Variants in TAL1 observed in about 807,000 individuals in gnomAD.
TAL1 encodes TAL bHLH transcription factor 1, erythroid differentiation factor, also known as T-cell acute lymphocytic leukemia protein 1.
Under a neutral mutation model 17.9 loss-of-function variants are expected in TAL1, and 8 were observed. That is an observed-to-expected ratio of 0.45 (90% CI 0.26 to 0.81). The LOEUF (loss-of-function observed/expected upper bound fraction) is 0.81, where lower values mean the gene tolerates loss of function less well. Ranked by LOEUF, TAL1 falls within the 30% of genes least tolerant of loss-of-function variation. The probability of loss-of-function intolerance (pLI) is 0.17; values close to 1 mark genes in which losing one functional copy is unlikely to be tolerated. For synonymous variants in TAL1, 223 were observed against 218.6 expected, an observed-to-expected ratio of 1.02 and a Z score of -0.18; for missense variants, 466 against 486.9, an observed-to-expected ratio of 0.96 and a Z score of 0.40.
At chr1:47,217,469 A>G (rs1256762217) in exon 4 of TAL1, 2 of 398,366 alleles carry the variant, frequency 5.0e-6, no homozygotes, top group African/African-American at 4.1e-5. Flanking sequence ...AGCGGTTTAC[A>G]ATCTAAATTA....
At chr1:47,218,005 G>C in exon 4 of TAL1, 1 of 363,922 alleles carries the variant, frequency 2.7e-6, no homozygotes, top group Non-Finnish European at 4.9e-6. Context: ...AAAAGGAAGG[G>C]GAAAGGAGCA....
chr1:47,221,730 A>G (rs1014764302), intron 3 of TAL1, among the ~76,000 whole-genome samples: 4 of 152,208 alleles, frequency 2.6e-5, no homozygotes, highest in Non-Finnish European at 5.9e-5. Flanking sequence ...CCTAAGTCCC[A>G]CTGCCCATTT....
chr1:47,219,316 T>C (rs904848687), exon 4 of TAL1: 2 of 508,604 alleles, frequency 3.9e-6, no homozygotes, highest in Non-Finnish European at 7.5e-6. Context: ...CCCAGCCAGC[T>C]TGGGAGGGGC....
Position 47,217,775 on chromosome 1 carries a change from A to G in TAL1, c.*1945T>C, listed in dbSNP as rs1569878984. Reference sequence around the variant, plus strand: ...CATACTGTGGCTACTTCTCATTCCTAACTCAAGCGAATCCACGGTGAAGCA... The same window carrying G: ...CATACTGTGGCTACTTCTCATTCCTGACTCAAGCGAATCCACGGTGAAGCA... On this transcript the variant is annotated 3_prime_UTR_variant, in exon 4 of 4. Transcript: ENST00000294339. 2.3e-5 allele frequency: 9 copies of G among 398,512 alleles called. No homozygotes were observed. The East Asian group carries it at 3.2e-4, about 14-fold the overall frequency. The allele number at this position is 398,512 out of a possible 1,614,324, so 24.7% of individuals were successfully genotyped here.
At chr1:47,221,602 GCT>G (rs1232156178) in intron 3 of TAL1, among the ~76,000 whole-genome samples, 1 of 152,204 alleles carries the variant, frequency 6.6e-6, no homozygotes, top group Non-Finnish European at 1.5e-5. Context: ...AGTCCAGGAA[GCT>G]CTGAGCACTG....
chr1:47,219,322 G>T, exon 4 of TAL1: 1 of 513,982 alleles, frequency 1.9e-6, no homozygotes, highest in East Asian at 3.9e-5. Context: ...CAGCTTGGGA[G>T]GGGCTAAAGG....
chr1:47,217,803 C>G, exon 4 of TAL1: 1 of 398,590 alleles, frequency 2.5e-6, no homozygotes, highest in Non-Finnish European at 4.4e-6. Flanking sequence ...GTGAAGCAAA[C>G]AGCCTTAGAT....
At position 47,219,894 on chromosome 1, in the gene TAL1, G is replaced by GGGCCCCC; in HGVS notation, c.821_822insGGGGGCC (p.Ala275GlyfsTer7). The GGGCCCCC allele has an allele frequency of 6.4e-7, 1 of 1,556,032 alleles. No individual in the cohort carries two copies. Among genetic ancestry groups the GGGCCCCC allele is most frequent in the Non-Finnish European group, 8.7e-7 (1 of 1,149,580 alleles). On this transcript the variant is annotated frameshift_variant, in exon 4 of 4. Coordinates refer to ENST00000294339, the Ensembl canonical transcript of TAL1. LOFTEE classifies it high-confidence loss of function. Reference sequence around the variant, plus strand: ...CTTGCAGGAGGTCATCTGGGGGCGCGCCGCCCCCTCCCCCACCTCCACCCC... The same window carrying GGGCCCCC: ...CTTGCAGGAGGTCATCTGGGGGCGCGGGCCCCCCCGCCCCCTCCCCCACCTCCACCCC...
exon 2 of TAL1, chr1:47,225,613 C>A (rs1569913859): frequency 7.2e-7 from 1 of 1,380,606 alleles, no homozygotes; most frequent in Non-Finnish European, 9.3e-7. Context: ...GTCTGCACAG[C>A]TCGGTGGTGG....
intron 3 of TAL1, among the ~76,000 whole-genome samples, chr1:47,221,208 G>A (rs1643797416): frequency 6.6e-6 from 1 of 152,182 alleles, no homozygotes; most frequent in Admixed American, 6.5e-5. Context: ...GGCAGGTGGG[G>A]AATGGAGGGG....
exon 2 of TAL1, chr1:47,225,540 G>A (rs999303011): frequency 3.1e-5 from 39 of 1,270,124 alleles, no homozygotes; most frequent in Non-Finnish European, 3.8e-5. Context: ...TGCACCATGC[G>A]GCCGTCGCCG....
At position 47,224,056 on chromosome 1, in the gene TAL1, G is replaced by C. The variant is rs766072774; in HGVS notation, c.489C>G (p.Thr163=). 3 of 1,613,896 alleles carry C rather than the reference G, an allele frequency of 1.9e-6. No homozygotes were observed. The South Asian group carries it at 3.3e-5, about 18-fold the overall frequency. Residue 163 remains threonine, a synonymous_variant, in exon 3 of 4, where the codon ACC becomes ACG. Transcript: ENST00000294339. ...AAGGTCTCCTCTTCACTCGATTGTT[G>C]GTGGTGAACATAGGGAAGGCATCCG... is the stretch of plus-strand genomic sequence containing the variant.
At chr1:47,225,004 G>C (rs912263958) in intron 2 of TAL1, among the ~76,000 whole-genome samples, 24 of 152,162 alleles carry the variant, frequency 1.6e-4, no homozygotes, top group Non-Finnish European at 2.4e-4. Context: ...TCCAGCTAGC[G>C]CTGAGTTTCC....
chr1:47,216,939 C>A (rs1191478353), exon 4 of TAL1: 1 of 232,196 alleles, frequency 4.3e-6, no homozygotes, highest in Non-Finnish European at 8.5e-6. Context: ...TACAGATCTT[C>A]TTTAGTTCTT....
chr1:47,225,664 C>T (rs1335051179), exon 2 of TAL1: 1 of 1,416,484 alleles, frequency 7.1e-7, no homozygotes, highest in Non-Finnish European at 9.1e-7. Flanking sequence ...CGTCGCGGCC[C>T]TTTAAGTCTC....
chr1:47,219,904 C>T (rs1479194806), exon 4 of TAL1: 1 of 1,525,138 alleles, frequency 6.6e-7, no homozygotes, highest in Non-Finnish European at 8.8e-7. Context: ...GCCGCCCCCT[C>T]CCCCACCTCC....
upstream of TAL1, among the ~76,000 whole-genome samples, chr1:47,231,884 A>C (rs1644020256): frequency 6.6e-6 from 1 of 152,208 alleles, no homozygotes; most frequent in Admixed American, 6.5e-5. Context: ...ACCACGAAGA[A>C]GAAATGAAAA....
At chr1:47,223,743 G>C in intron 3 of TAL1, 1 of 403,990 alleles carries the variant, frequency 2.5e-6, no homozygotes, top group South Asian at 5.1e-5. Context: ...ACTAACTCCA[G>C]AGGTTTGGGC....
rs75805593 is a variant in TAL1, at chr1:47,217,052, A to C, written c.*2668T>G. On this transcript the variant is annotated 3_prime_UTR_variant, in exon 4 of 4. Coordinates refer to ENST00000294339, the Ensembl canonical transcript of TAL1. Reference sequence around the variant, plus strand: ...GTTCCCATATCTCTTTTCCATTCTTATTACTGTCCCTGGCCTTGGAACAAG... The same window carrying C: ...GTTCCCATATCTCTTTTCCATTCTTCTTACTGTCCCTGGCCTTGGAACAAG... 6.0e-3 allele frequency: 1,397 copies of C among 232,434 alleles called. 13 individuals carry two copies. Among genetic ancestry groups the C allele is most frequent in the East Asian group, 0.028 (460 of 16,474 alleles). 14.4% of individuals were successfully genotyped at this position (232,434 alleles called of 1,614,324 possible).
Sources: gnomAD v4.1 joint callset for allele counts (sites outside exome capture counted in the v4.1 genomes callset) on GRCh38, gnomAD v4.1.1 for gene constraint, MANE v1.5 for transcripts, NCBI Gene and HGNC (gene_info 2026-07-23, HGNC 2026-07-21) for gene names.